Variants in EMC8 observed in about 807,000 individuals in gnomAD.
EMC8 encodes the protein COX4 neighbor.
Under a neutral mutation model 24.3 loss-of-function variants are expected in EMC8, and 11 were observed. The observed-to-expected ratio is 0.45, with a 90% confidence interval of 0.28 to 0.75. EMC8 has a LOEUF of 0.75. Among genes scored for constraint, EMC8 ranks in the 30% least tolerant of loss-of-function variants. The pLI, the probability that EMC8 is intolerant of heterozygous loss-of-function variation, is 0.12. For synonymous variants in EMC8, 145 were observed against 117.7 expected (o/e 1.23, Z -1.50); for missense variants, 277 against 282.7 (o/e 0.98, Z 0.14).
chr16:85,780,275 TC>T, intron 4 of EMC8, 103 bp downstream of exon 4: 1 of 827,288 alleles, frequency 1.2e-6, no homozygotes. Context: ...GTATCATGCT[TC>T]TGGAGAAAAC....
chr16:85,794,003 G>A (rs1905136098), intron 1 of EMC8, among the ~76,000 whole-genome samples: 1 of 152,094 alleles, frequency 6.6e-6, no homozygotes, highest in Non-Finnish European at 1.5e-5. Flanking sequence ...ATCTAATGTT[G>A]TCCTTTGATA....
chr16:85,789,729 T>C lies in EMC8; in HGVS notation c.232-679A>G, dbSNP rs908413648. Among the ~76,000 whole-genome samples, 110 of 151,362 alleles carry C rather than the reference T, an allele frequency of 7.3e-4. 1 individual carries two copies. The highest frequency in any genetic ancestry group is 2.6e-3 in the African/African-American group (108 of 41,166). On this transcript the variant is annotated intron_variant, in intron 1 of 4. Coordinates refer to ENST00000253457, the MANE Select transcript of EMC8 (RefSeq NM_006067.5). ...ATCACTTGAACCCCAGAGGGGGAGGTTGCAGTGAGCCAAGATCATGCCACT... is the reference window on the plus strand; with the variant it reads ...ATCACTTGAACCCCAGAGGGGGAGGCTGCAGTGAGCCAAGATCATGCCACT...
intron 1 of EMC8, among the ~76,000 whole-genome samples, chr16:85,791,771 T>C (rs994657001): frequency 2.0e-5 from 3 of 152,190 alleles, no homozygotes; most frequent in East Asian, 3.8e-4. Flanking sequence ...TCTGCTTCCA[T>C]CATCCATCTC....
chr16:85,783,378 C>T (rs956748241), intron 2 of EMC8, among the ~76,000 whole-genome samples: 2 of 152,194 alleles, frequency 1.3e-5, no homozygotes, highest in African/African-American at 4.8e-5. Flanking sequence ...ATCATGGCCA[C>T]AAACTCCGGG....
At position 85,787,047 on chromosome 16, in the gene EMC8, G is replaced by A. The variant is rs1259844436; in HGVS notation, c.308+1927C>T. On this transcript the variant is annotated intron_variant, in intron 2 of 4. Transcript: ENST00000253457. ...CCACGGCAGACACTGCTTGGTCCAG[G>A]AACACCTTCCTGCCAAGGGTGCTCC... 2.0e-5 allele frequency among the ~76,000 whole-genome samples: 3 copies of A among 152,228 alleles called. No homozygotes were observed. In the East Asian group the frequency reaches 5.8e-4, roughly 29 times the overall value.
At chr16:85,783,662 A>G (rs1904616214) in intron 2 of EMC8, among the ~76,000 whole-genome samples, 1 of 152,162 alleles carries the variant, frequency 6.6e-6, no homozygotes, top group Non-Finnish European at 1.5e-5. Flanking sequence ...CACAGGGGCA[A>G]TGCTGTGTCT....
Position 85,789,062 on chromosome 16 carries a change from AC to A in EMC8, c.232-13del, listed in dbSNP as rs1203105444. 1 of 1,598,942 alleles carries A rather than the reference AC, an allele frequency of 6.3e-7. No individual in the cohort carries two copies. The highest frequency in any genetic ancestry group is 8.6e-7 in the Non-Finnish European group (1 of 1,166,412). ...CACCATGAATCAATCTGAAAGAGGAACAAAAATTGGGAAAAGATGAATGACT... is the reference window on the plus strand; with the variant it reads ...CACCATGAATCAATCTGAAAGAGGAAAAAAATTGGGAAAAGATGAATGACT... On this transcript the variant is annotated splice_polypyrimidine_tract_variant and intron_variant, in intron 1 of 4. Coordinates refer to ENST00000253457, the MANE Select transcript of EMC8 (RefSeq NM_006067.5).
At chr16:85,798,793 GCTA>G (rs1905412540) in intron 1 of EMC8, 1 of 417,922 alleles carries the variant, frequency 2.4e-6, no homozygotes, top group East Asian at 3.7e-5. Context: ...TTCTACAAAG[GCTA>G]CTGATTTCAG....
rs144875931 is a variant in EMC8 at position 85,780,009 on chromosome 16, G to A, written c.474-142C>T. 20 of 678,714 alleles carry A rather than the reference G, an allele frequency of 2.9e-5. 1 individual carries two copies. In the Middle Eastern group the frequency reaches 2.0e-3, roughly 68 times the overall value. The allele number at this position is 678,714 out of a possible 1,614,324, so 42.0% of individuals were successfully genotyped here. ...ACTGAGAAACATGTGCATTTCAAAC[G>A]CATGAAGAGGTATACAGAGCATAGA... On this transcript the variant is annotated intron_variant, in intron 4 of 4. Transcript: ENST00000253457.
At chr16:85,784,518 T>TA (rs1254002393) in intron 2 of EMC8, 1 of 152,182 alleles carries the variant, frequency 6.6e-6, no homozygotes, top group African/African-American at 2.4e-5. Context: ...AAATATGACT[T>TA]AAAAATGTGA....
At chr16:85,788,410 G>C (rs1478781601) in intron 2 of EMC8, among the ~76,000 whole-genome samples, 1 of 152,282 alleles carries the variant, frequency 6.6e-6, no homozygotes, top group African/African-American at 2.4e-5. Flanking sequence ...ATCACCACCT[G>C]AGTGTGTCAT....
intron 1 of EMC8, among the ~76,000 whole-genome samples, chr16:85,793,564 T>C (rs1053092904): frequency 6.6e-6 from 1 of 151,870 alleles, no homozygotes; most frequent in Admixed American, 6.6e-5. Flanking sequence ...GTTCTGGAGA[T>C]GAACAAAGGG....
intron 2 of EMC8, among the ~76,000 whole-genome samples, chr16:85,788,103 C>G (rs1055769267): frequency 1.3e-5 from 2 of 152,260 alleles, no homozygotes; most frequent in South Asian, 2.1e-4. Context: ...TTATATACGG[C>G]GTGGACTTTC....
Position 85,782,932 on chromosome 16 carries a change from A to G in EMC8, c.309-1652T>C, listed in dbSNP as rs754584435. On this transcript the variant is annotated intron_variant, in intron 2 of 4. Coordinates refer to ENST00000253457, the MANE Select transcript of EMC8 (RefSeq NM_006067.5). Reference sequence around the variant, plus strand: ...TTTATTTCCTTCAGTCTCTCACCTTAGGCAGGGGCTTCTAAAACTGCTTCC... The same window carrying G: ...TTTATTTCCTTCAGTCTCTCACCTTGGGCAGGGGCTTCTAAAACTGCTTCC... 4.6e-4 allele frequency among the ~76,000 whole-genome samples: 70 copies of G among 152,146 alleles called. 1 individual carries two copies. Among genetic ancestry groups the G allele is most frequent in the East Asian group, 5.8e-4 (3 of 5,176 alleles).
intron 3 of EMC8, chr16:85,781,001 A>G: frequency 1.8e-6 from 1 of 570,082 alleles, no homozygotes; most frequent in Non-Finnish European, 3.1e-6. Context: ...AGGGGACCCC[A>G]CTCCCACTTG....
intron 4 of EMC8, 44 bp downstream of exon 4, chr16:85,780,335 C>T (rs759905009): frequency 1.2e-5 from 18 of 1,460,746 alleles, no homozygotes; most frequent in African/African-American, 5.6e-5. Context: ...CGTGGCCGGG[C>T]GCTGAAGGAG....
intron 2 of EMC8, among the ~76,000 whole-genome samples, chr16:85,782,278 C>T (rs902032909): frequency 6.6e-6 from 1 of 152,320 alleles, no homozygotes; most frequent in African/African-American, 2.4e-5. Flanking sequence ...AGCCTTTCCA[C>T]ATCTTCTCCA....
intron 3 of EMC8, chr16:85,780,837 G>A: frequency 4.6e-6 from 2 of 438,780 alleles, no homozygotes; most frequent in South Asian, 5.2e-5. Context: ...TTCTAATTGT[G>A]CTTCTCACAC....
At chr16:85,780,511 G>A in intron 3 of EMC8, 38 bp from the exon 4 acceptor site, 2 of 1,531,090 alleles carry the variant, frequency 1.3e-6, no homozygotes, top group Non-Finnish European at 1.8e-6. Context: ...TGAACAGAAT[G>A]CCAGCCAAAC....
Sources: allele counts gnomAD v4.1 joint callset (sites outside exome capture counted in the v4.1 genomes callset), GRCh38; gene constraint gnomAD v4.1.1; transcripts MANE v1.5; gene names NCBI Gene and HGNC (gene_info 2026-07-23, HGNC 2026-07-21).